The following PELI2 variants were observed in gnomAD, a reference collection of about 807,000 sequenced individuals.
PELI2 encodes pellino E3 ubiquitin protein ligase family member 2.
In PELI2, 23 loss-of-function variants were observed where a neutral mutation model predicts 42.3. That is an observed-to-expected ratio of 0.54 (90% confidence interval 0.39 to 0.77). The LOEUF (loss-of-function observed/expected upper bound fraction) is 0.77. PELI2 is among the 30% of genes least tolerant of loss of function. PELI2 has a pLI of 0.00. For synonymous variants in PELI2, 245 were observed against 212.2 expected (o/e 1.15, Z -1.34); for missense variants, 463 against 553.2 (o/e 0.84, Z 1.64).
rs149480580 is a variant in PELI2, at chr14:56,120,373, T to G, written c.77+1636T>G. 4.3e-3 allele frequency among the ~76,000 whole-genome samples: 653 copies of G among 152,322 alleles called. 5 individuals carry two copies. Among genetic ancestry groups the G allele is most frequent in the Non-Finnish European group, 7.2e-3 (492 of 68,032 alleles). ...TTGAGGAAATCATTGTTGAGATGTT[T>G]CAGAAAAGCAGCGAGTGGGCCTGGA... On this transcript the variant is annotated intron_variant, in intron 1 of 5. Coordinates refer to ENST00000267460, the MANE Select transcript of PELI2 (RefSeq NM_021255.3).
At chr14:56,247,476 T>A (rs1888204416) in intron 2 of PELI2, among the ~76,000 whole-genome samples, 1 of 152,206 alleles carries the variant, frequency 6.6e-6, no homozygotes, top group African/African-American at 2.4e-5. Flanking sequence ...AACCTACACA[T>A]ATAAATGTAC....
chr14:56,277,849 C>G (rs76592304), intron 2 of PELI2, among the ~76,000 whole-genome samples: 1 of 152,090 alleles, frequency 6.6e-6, no homozygotes, highest in African/African-American at 2.4e-5. Flanking sequence ...GAGGGCTGCT[C>G]CCCAGACATC....
chr14:56,131,947 CTCTT>C (rs995175428), intron 1 of PELI2, among the ~76,000 whole-genome samples: 2 of 152,182 alleles, frequency 1.3e-5, no homozygotes, highest in Non-Finnish European at 2.9e-5. Flanking sequence ...AGTTGCTTCT[CTCTT>C]TGCGGTAGTG....
chr14:56,118,761 C>A, intron 1 of PELI2, 24 bp downstream of exon 1: 1 of 1,439,852 alleles, frequency 6.9e-7, no homozygotes, highest in South Asian at 1.3e-5. Context: ...TCCCTGGTCC[C>A]GGGCAGCGGC....
At chr14:56,270,998 G>A (rs997799603) in intron 2 of PELI2, among the ~76,000 whole-genome samples, 2 of 152,160 alleles carry the variant, frequency 1.3e-5, no homozygotes, top group African/African-American at 4.8e-5. Context: ...TGATATAAAT[G>A]TTTCTTCTGC....
At chr14:56,168,240 T>G (rs1371584843) in intron 1 of PELI2, among the ~76,000 whole-genome samples, 1 of 149,592 alleles carries the variant, frequency 6.7e-6, no homozygotes, top group East Asian at 2.0e-4. Context: ...AGCCAGGCTG[T>G]GTCCTTCCCT....
At chr14:56,218,678 T>C (rs903083061) in intron 2 of PELI2, among the ~76,000 whole-genome samples, 1 of 152,118 alleles carries the variant, frequency 6.6e-6, no homozygotes, top group African/African-American at 2.4e-5. Context: ...GATCCAAGAC[T>C]GTGTGCATGC....
At chr14:56,191,672 G>A (rs566720095) in intron 2 of PELI2, among the ~76,000 whole-genome samples, 1 of 152,298 alleles carries the variant, frequency 6.6e-6, no homozygotes, top group South Asian at 2.1e-4. Flanking sequence ...ATTAGACAGA[G>A]GCAGTGTAAA....
At chr14:56,233,914 T>C (rs933560589) in intron 2 of PELI2, among the ~76,000 whole-genome samples, 11 of 150,138 alleles carry the variant, frequency 7.3e-5, no homozygotes, top group Admixed American at 5.3e-4. Context: ...TATAAGGGAA[T>C]ATTAACCCCA....
At chr14:56,198,794 G>A (rs1886231277) in intron 2 of PELI2, among the ~76,000 whole-genome samples, 1 of 152,186 alleles carries the variant, frequency 6.6e-6, no homozygotes, top group Non-Finnish European at 1.5e-5. Context: ...TTGATGACAA[G>A]TAGAGAGAGG....
At chr14:56,239,902 T>C (rs1386180753) in intron 2 of PELI2, among the ~76,000 whole-genome samples, 1 of 152,078 alleles carries the variant, frequency 6.6e-6, no homozygotes, top group Non-Finnish European at 1.5e-5. Context: ...ACAAGGAGGA[T>C]GGATAATGTG....
intron 5 of PELI2, among the ~76,000 whole-genome samples, chr14:56,295,267 C>A (rs899015000): frequency 2.0e-5 from 3 of 152,086 alleles, no homozygotes; most frequent in Non-Finnish European, 4.4e-5. Context: ...TCAATCAGTT[C>A]TTTTATAGTT....
At chr14:56,278,090 T>C (rs1394646071) in intron 2 of PELI2, among the ~76,000 whole-genome samples, 2 of 152,236 alleles carry the variant, frequency 1.3e-5, no homozygotes, top group African/African-American at 4.8e-5. Flanking sequence ...ATTGAATGCA[T>C]TTAAAATGCA....
At chr14:56,260,933 A>C (rs1227478756) in intron 2 of PELI2, among the ~76,000 whole-genome samples, 1 of 152,152 alleles carries the variant, frequency 6.6e-6, no homozygotes, top group African/African-American at 2.4e-5. Flanking sequence ...AGAATGAGTG[A>C]GAGATGTTTC....
chr14:56,138,214 G>A (rs568758671), intron 1 of PELI2, among the ~76,000 whole-genome samples: 61 of 152,286 alleles, frequency 4.0e-4, no homozygotes, highest in African/African-American at 1.3e-3. Context: ...GTTTAAAGTA[G>A]TCATTTTCCA....
chr14:56,202,137 A>C (rs72714387), intron 2 of PELI2, among the ~76,000 whole-genome samples: 5,174 of 152,302 alleles, frequency 0.034, 137 homozygotes, highest in Non-Finnish European at 0.053. Flanking sequence ...AAAATTATCC[A>C]TCTGGGGCCA....
At chr14:56,279,812 C>T (rs771656299) in intron 3 of PELI2, 35 bp downstream of exon 3, 39 of 1,102,880 alleles carry the variant, frequency 3.5e-5, no homozygotes, top group South Asian at 2.6e-4. Context: ...AATTTTAGCA[C>T]GTTTTCCTTT....
intron 2 of PELI2, among the ~76,000 whole-genome samples, chr14:56,260,194 G>C (rs955239332): frequency 6.6e-6 from 1 of 151,890 alleles, no homozygotes; most frequent in African/African-American, 2.4e-5. Context: ...TATATCCCCA[G>C]ATATATACAT....
At chr14:56,255,377 A>G (rs1888491441) in intron 2 of PELI2, among the ~76,000 whole-genome samples, 1 of 152,160 alleles carries the variant, frequency 6.6e-6, no homozygotes, top group East Asian at 1.9e-4. Flanking sequence ...TCAGCAGACT[A>G]ACACAGGAAC....
Sources: gnomAD v4.1 joint callset for allele counts (sites outside exome capture counted in the v4.1 genomes callset) on GRCh38, gnomAD v4.1.1 for gene constraint, MANE v1.5 for transcripts, NCBI Gene and HGNC (gene_info 2026-07-23, HGNC 2026-07-21) for gene names.